PLEKHG1: variants seen among roughly 807,000 people sequenced by gnomAD.
PLEKHG1 encodes pleckstrin homology domain-containing family G member 1.
PLEKHG1 carries 44 observed loss-of-function variants against 100.8 expected under a neutral mutation model. The observed-to-expected ratio is 0.44, with a 90% CI of 0.34 to 0.56. The LOEUF (loss-of-function observed/expected upper bound fraction) is 0.56, where lower values mean the gene tolerates loss of function less well. Ranked by LOEUF, PLEKHG1 falls within the 20% of genes least tolerant of loss-of-function variation. PLEKHG1 has a pLI of 0.01. For synonymous variants in PLEKHG1, 640 were observed against 662.5 expected (o/e 0.97, Z 0.52); for missense variants, 1,545 against 1,720.9 (o/e 0.90, Z 1.81).
chr6:150,612,053 C>CGA lies in PLEKHG1; in HGVS notation c.-204+12036_-204+12037insGA, dbSNP rs1343924725. The stretch of plus-strand genomic sequence containing the variant: ...CAGCTTCCTGGTGTTGTTCCCCCCC[C>CGA]CCCCCCCTTTTCTAGTTCTTAGTTA... On this transcript the variant is annotated intron_variant, in intron 1 of 3. Coordinates refer to the PLEKHG1 transcript ENST00000367326. Among the ~76,000 whole-genome samples the CGA allele has an allele frequency of 2.6e-4, 27 of 104,902 alleles. 1 individual carries two copies. The highest frequency in any genetic ancestry group is 8.2e-4 in the African/African-American group (26 of 31,606). 68.8% of individuals were successfully genotyped at this position (104,902 alleles called of 152,430 possible). A position where few individuals can be genotyped will look rare whatever the true frequency, so the allele number is the denominator to read the frequency against.
chr6:150,613,687 A>T (rs1030403916), intron 1 of PLEKHG1, among the ~76,000 whole-genome samples: 2 of 152,182 alleles, frequency 1.3e-5, no homozygotes, highest in Non-Finnish European at 2.9e-5. Flanking sequence ...TTGGCCTCAG[A>T]GTCCGCTCTC....
At chr6:150,754,830 G>A (rs769010652) in intron 2 of PLEKHG1, among the ~76,000 whole-genome samples, 4 of 151,872 alleles carry the variant, frequency 2.6e-5, no homozygotes, top group Admixed American at 6.6e-5. Flanking sequence ...CACCACACCC[G>A]GCTAATTTTT....
At chr6:150,704,178 G>C (rs982456395) in intron 3 of PLEKHG1, among the ~76,000 whole-genome samples, 1 of 152,130 alleles carries the variant, frequency 6.6e-6, no homozygotes, top group Non-Finnish European at 1.5e-5. Flanking sequence ...ATGTTTGCTG[G>C]TGCTGTCCTC....
At chr6:150,776,284 G>A (rs1159114495) in intron 3 of PLEKHG1, among the ~76,000 whole-genome samples, 13 of 152,260 alleles carry the variant, frequency 8.5e-5, no homozygotes, top group African/African-American at 3.1e-4. Flanking sequence ...AATCCTGAAG[G>A]CAAGATGACT....
intron 4 of PLEKHG1, among the ~76,000 whole-genome samples, chr6:150,795,601 A>G (rs1211961163): frequency 4.6e-5 from 7 of 151,794 alleles, no homozygotes; most frequent in African/African-American, 1.7e-4. Context: ...GCATTCCTGT[A>G]ATCCCAGCTA....
chr6:150,628,180 C>G (rs1477346499), intron 1 of PLEKHG1, among the ~76,000 whole-genome samples: 1 of 151,774 alleles, frequency 6.6e-6, no homozygotes, highest in Admixed American at 6.6e-5. Flanking sequence ...AGAGGGAAGG[C>G]TGTTGCTGCA....
chr6:150,808,079 G>A (rs188793381), intron 7 of PLEKHG1, among the ~76,000 whole-genome samples: 3 of 152,272 alleles, frequency 2.0e-5, no homozygotes, highest in Non-Finnish European at 4.4e-5. Flanking sequence ...TGGAATGTTC[G>A]TAACACAAAG....
chr6:150,758,812 C>T (rs947985580), intron 2 of PLEKHG1, among the ~76,000 whole-genome samples: 2 of 152,206 alleles, frequency 1.3e-5, no homozygotes. Flanking sequence ...CATTTCAATA[C>T]GTGAGCATTT....
intron 3 of PLEKHG1, among the ~76,000 whole-genome samples, chr6:150,773,879 C>T (rs541707585): frequency 6.6e-6 from 1 of 152,280 alleles, no homozygotes; most frequent in South Asian, 2.1e-4. Context: ...TCTAATTTCT[C>T]CATCAGATTC....
chr6:150,817,136 G>A (rs1776004805), intron 10 of PLEKHG1, among the ~76,000 whole-genome samples: 1 of 152,216 alleles, frequency 6.6e-6, no homozygotes, highest in African/African-American at 2.4e-5. Flanking sequence ...CCTGCCCTAG[G>A]AGAGTGGGTG....
At chr6:150,692,560 C>T (rs1492573) in intron 3 of PLEKHG1, among the ~76,000 whole-genome samples, 1 of 151,986 alleles carries the variant, frequency 6.6e-6, no homozygotes, top group East Asian at 1.9e-4. Context: ...CATATGTGAT[C>T]TAGAGAAGAC....
intron 3 of PLEKHG1, among the ~76,000 whole-genome samples, chr6:150,693,639 A>G (rs1443613369): frequency 6.6e-6 from 1 of 152,124 alleles, no homozygotes; most frequent in Non-Finnish European, 1.5e-5. Context: ...CTGTTCTCCA[A>G]CACTTGGCTG....
At chr6:150,636,731 C>T (rs1293342076) in intron 1 of PLEKHG1, among the ~76,000 whole-genome samples, 2 of 151,988 alleles carry the variant, frequency 1.3e-5, no homozygotes, top group African/African-American at 4.8e-5. Flanking sequence ...AGTTAGATAC[C>T]TTGTGAATAA....
chr6:150,791,974 C>T (rs1215995577), intron 4 of PLEKHG1, among the ~76,000 whole-genome samples: 1 of 151,906 alleles, frequency 6.6e-6, no homozygotes, highest in East Asian at 1.9e-4. Flanking sequence ...GAGTGTGTTG[C>T]AAGATAAAGC....
chr6:150,823,735 T>A, intron 14 of PLEKHG1, 59 bp downstream of exon 15: 1 of 1,253,188 alleles, frequency 8.0e-7, no homozygotes, highest in African/African-American at 1.5e-5. Context: ...TTCATAGGTG[T>A]CCCTTCCCCA....
At chr6:150,645,817 A>G (rs904010839) in intron 2 of PLEKHG1, among the ~76,000 whole-genome samples, 3 of 152,200 alleles carry the variant, frequency 2.0e-5, no homozygotes. Flanking sequence ...ACAATCCTTG[A>G]AAAACTTTAG....
At chr6:150,637,892 G>A (rs995479166) in intron 1 of PLEKHG1, among the ~76,000 whole-genome samples, 9 of 152,234 alleles carry the variant, frequency 5.9e-5, no homozygotes, top group South Asian at 2.1e-4. Context: ...TCTTGAAAGC[G>A]ATTCTTTATT....
At chr6:150,765,366 G>A (rs1232293571) in intron 2 of PLEKHG1, among the ~76,000 whole-genome samples, 1 of 151,876 alleles carries the variant, frequency 6.6e-6, no homozygotes, top group Non-Finnish European at 1.5e-5. Context: ...GATGGCACGT[G>A]CCTGCAATCT....
chr6:150,660,740 A>T lies in PLEKHG1; in HGVS notation c.-99+9954A>T, dbSNP rs1028280824. Among the ~76,000 whole-genome samples the T allele has an allele frequency of 8.5e-5, 13 of 152,374 alleles. 1 individual carries two copies. In the South Asian group the frequency reaches 2.1e-3, roughly 24 times the overall value. On this transcript the variant is annotated intron_variant, in intron 3 of 3. Transcript: ENST00000367326. ...CTTAAACCATAGAGGCATTGGTGAA[A>T]GAAAAATTATTTGGAACAAGTTGTA...
Sources: gnomAD v4.1 joint callset for allele counts (sites outside exome capture counted in the v4.1 genomes callset) on GRCh38, gnomAD v4.1.1 for gene constraint, MANE v1.5 for transcripts, NCBI Gene and HGNC (gene_info 2026-07-23, HGNC 2026-07-21) for gene names.